SPIC: variants seen among roughly 807,000 people sequenced by gnomAD.
The protein encoded by SPIC is transcription factor Spi-C.
Under a neutral mutation model 16.7 loss-of-function variants are expected in SPIC, and 9 were observed. The ratio of observed to expected loss-of-function variants is 0.54; its 90% CI spans 0.33 to 0.94. The LOEUF (loss-of-function observed/expected upper bound fraction) is 0.94. SPIC is among the 40% of genes least tolerant of loss of function. The pLI is 0.03. For missense variants in SPIC, 241 were observed against 285.8 expected (o/e 0.84, Z 1.13); for synonymous variants, 97 against 102.9 (o/e 0.94, Z 0.35).
chr12:101,479,499 T>C, intron 3 of SPIC, 83 bp from the exon 4 acceptor site: 1 of 1,014,360 alleles, frequency 9.9e-7, no homozygotes, highest in South Asian at 1.5e-5. Context: ...ATTGCATCTA[T>C]AAGTGCATAT....
chr12:101,479,248 AAGAAAGAAGGAAGG>A (rs1873087103), intron 3 of SPIC, among the ~76,000 whole-genome samples: 2 of 104,594 alleles, frequency 1.9e-5, no homozygotes, highest in African/African-American at 5.0e-5. Flanking sequence ...AAGAAAAAGA[AAGAAAGAAGGAAGG>A]AAAGAAAGAA....
chr12:101,485,582 C>CT (rs1271713813), intron 5 of SPIC, among the ~76,000 whole-genome samples: 1 of 152,076 alleles, frequency 6.6e-6, no homozygotes, highest in South Asian at 2.1e-4. Flanking sequence ...GCACTTTTAC[C>CT]TAGGTCTTCG....
chr12:101,476,096 G>A (rs1872949626), intron 1 of SPIC, among the ~76,000 whole-genome samples: 2 of 152,110 alleles, frequency 1.3e-5, no homozygotes, highest in Non-Finnish European at 2.9e-5. Context: ...AAGAACTGCT[G>A]GGTTTACTTA....
Position 101,479,698 on chromosome 12 carries a change from A to G in SPIC, c.210+4A>G. ...CTATAATTGGAGAACGGTAATTGTA[A>G]GTATCAGACCATCCCTTAATAACAG... On this transcript the variant is annotated splice_donor_region_variant and intron_variant, in intron 4 of 5. Coordinates refer to ENST00000551346, the MANE Select transcript of SPIC (RefSeq NM_152323.3). 6.3e-7 allele frequency: 1 copy of G among 1,598,770 alleles called. No individual in the cohort carries two copies. Among genetic ancestry groups the G allele is most frequent in the South Asian group, 1.1e-5 (1 of 90,486 alleles).
In SPIC at chr12:101,476,913, C is replaced by G; in HGVS notation, c.3+6C>G. 1 of 1,456,658 alleles carries G rather than the reference C, an allele frequency of 6.9e-7. No homozygotes were observed. Among genetic ancestry groups the G allele is most frequent in the Non-Finnish European group, 9.1e-7 (1 of 1,093,568 alleles). 90.2% of individuals were successfully genotyped at this position (1,456,658 alleles called of 1,614,324 possible). ...CAATTTATTAATGAAATATGGTAAG[C>G]TGACATTTTAATATTTTCTTTACTC... is the stretch of plus-strand genomic sequence containing the variant. On this transcript the variant is annotated splice_donor_region_variant and intron_variant, in intron 2 of 5. Coordinates refer to ENST00000551346, the MANE Select transcript of SPIC (RefSeq NM_152323.3).
At chr12:101,480,299 C>G (rs1873147559) in intron 4 of SPIC, among the ~76,000 whole-genome samples, 1 of 152,208 alleles carries the variant, frequency 6.6e-6, no homozygotes, top group East Asian at 1.9e-4. Context: ...TCTCCTTAGT[C>G]CATCTGGGAA....
chr12:101,486,251 C>G, intron 5 of SPIC, 93 bp from the exon 6 acceptor site: 1 of 1,259,970 alleles, frequency 7.9e-7, no homozygotes, highest in Non-Finnish European at 1.1e-6. Flanking sequence ...CTCGATGCAG[C>G]TTTTAATTCA....
At chr12:101,481,952 G>A (rs564969550) in intron 4 of SPIC, among the ~76,000 whole-genome samples, 105 of 124,258 alleles carry the variant, frequency 8.5e-4, no homozygotes, top group African/African-American at 2.7e-3. Flanking sequence ...CATGCCTGGC[G>A]TACAAAAAGG....
intron 5 of SPIC, among the ~76,000 whole-genome samples, chr12:101,484,741 C>T (rs527665488): frequency 7.3e-5 from 11 of 151,008 alleles, no homozygotes; most frequent in African/African-American, 2.7e-4. Context: ...GAGACTGAGG[C>T]AGGCAGATCA....
intron 4 of SPIC, among the ~76,000 whole-genome samples, chr12:101,480,603 C>G (rs1873156615): frequency 1.3e-5 from 2 of 152,214 alleles, no homozygotes; most frequent in African/African-American, 4.8e-5. Context: ...TTTCTTCAGT[C>G]ACTACCTTCA....
Position 101,479,307 on chromosome 12 carries a change from A to AGAAGG in SPIC, c.98-275_98-274insGAAGG, listed in dbSNP as rs1555209046. 2.3e-5 allele frequency among the ~76,000 whole-genome samples: 2 copies of AGAAGG among 88,166 alleles called. 1 individual carries two copies. The highest frequency in any genetic ancestry group is 1.2e-4 in the African/African-American group (2 of 16,970). 57.8% of individuals were successfully genotyped at this position (88,166 alleles called of 152,430 possible). A position where few individuals can be genotyped will look rare whatever the true frequency, so the allele number is the denominator to read the frequency against. On this transcript the variant is annotated intron_variant, in intron 3 of 5. Transcript: ENST00000551346. ...GAAAAAGAAAGAAAGAAAGAAAGAA[A>AGAAGG]AAAGAAAGAAAGAAAGAAAGAAAGA...
At chr12:101,479,961 C>T (rs1007269488) in intron 4 of SPIC, among the ~76,000 whole-genome samples, 5 of 151,890 alleles carry the variant, frequency 3.3e-5, no homozygotes, top group African/African-American at 1.2e-4. Context: ...GGGTTACAGG[C>T]GTGCACCACA....
chr12:101,485,184 A>T (rs953862084), intron 5 of SPIC, among the ~76,000 whole-genome samples: 1 of 152,232 alleles, frequency 6.6e-6, no homozygotes, highest in Admixed American at 6.5e-5. Flanking sequence ...ATCCACTAGT[A>T]TACCTCCTCA....
intron 3 of SPIC, among the ~76,000 whole-genome samples, chr12:101,479,223 G>GAAAGAAA (rs1873076726): frequency 9.4e-5 from 4 of 42,446 alleles, no homozygotes; most frequent in Non-Finnish European, 2.0e-4. Context: ...AAAGAAAGAA[G>GAAAGAAA]GAAAGAAAGA....
Position 101,476,810 on chromosome 12 carries a change from A to T in SPIC, c.-77-18A>T. ...AGACTGCATTTAATTTTGCTTTTTAAATATTAAACTTTTTCAGGATTGTCA... is the reference window on the plus strand; with the variant it reads ...AGACTGCATTTAATTTTGCTTTTTATATATTAAACTTTTTCAGGATTGTCA... On this transcript the variant is annotated intron_variant, in intron 1 of 5. Coordinates refer to ENST00000551346, the MANE Select transcript of SPIC (RefSeq NM_152323.3). 1 of 826,220 alleles carries T rather than the reference A, an allele frequency of 1.2e-6. No homozygotes were observed. The highest frequency in any genetic ancestry group is 1.8e-6 in the Non-Finnish European group (1 of 567,352). 51.2% of individuals were successfully genotyped at this position (826,220 alleles called of 1,614,324 possible). A position where few individuals can be genotyped will look rare whatever the true frequency, so the allele number is the denominator to read the frequency against.
intron 4 of SPIC, among the ~76,000 whole-genome samples, chr12:101,481,095 T>C (rs1428530224): frequency 6.6e-6 from 1 of 152,182 alleles, no homozygotes; most frequent in Non-Finnish European, 1.5e-5. Flanking sequence ...TGTTTAACCC[T>C]TGGAAACCCA....
At chr12:101,482,648 G>T (rs1399819504) in intron 4 of SPIC, 144 bp from the exon 5 acceptor site, 22 of 704,130 alleles carry the variant, frequency 3.1e-5, no homozygotes, top group Non-Finnish European at 4.9e-5. Flanking sequence ...GCTGCCCTGG[G>T]AGCTATCTGG....
chr12:101,479,822 T>TTC, intron 4 of SPIC, 128 bp downstream of exon 4: 1 of 556,308 alleles, frequency 1.8e-6, no homozygotes, highest in South Asian at 2.7e-5. Flanking sequence ...TTCTTTCTTT[T>TTC]TTTTTTTTTT....
intron 3 of SPIC, among the ~76,000 whole-genome samples, chr12:101,479,338 A>G (rs1202156275): frequency 2.7e-5 from 4 of 149,698 alleles, no homozygotes; most frequent in African/African-American, 7.5e-5. Flanking sequence ...AAAGAAAGAA[A>G]GAAAGAAAGA....
Sources: gnomAD v4.1 joint callset for allele counts (sites outside exome capture counted in the v4.1 genomes callset) on GRCh38, gnomAD v4.1.1 for gene constraint, MANE v1.5 for transcripts, NCBI Gene and HGNC (gene_info 2026-07-23, HGNC 2026-07-21) for gene names.